ETV5: variants seen among roughly 807,000 people sequenced by gnomAD.
ETV5 encodes ETS translocation variant 5.
A neutral mutation model predicts 70.0 loss-of-function variants in ETV5; 10 were observed. The observed-to-expected ratio is 0.14, with a 90% confidence interval of 0.09 to 0.24. The LOEUF is 0.24. Among genes scored for constraint, ETV5 ranks in the 10% least tolerant of loss-of-function variants. The pLI is 1.00. For synonymous variants in ETV5, 216 were observed against 242.2 expected (o/e 0.89, Z 1.01); for missense variants, 453 against 651.2 (o/e 0.70, Z 3.31).
intron 7 of ETV5, among the ~76,000 whole-genome samples, chr3:186,071,073 T>C (rs1713620581): frequency 6.6e-6 from 1 of 152,198 alleles, no homozygotes; most frequent in African/African-American, 2.4e-5. Context: ...TATAGCGCCT[T>C]TCCTCCCACG....
At chr3:186,102,586 G>A (rs576825839) in intron 5 of ETV5, among the ~76,000 whole-genome samples, 138 of 144,010 alleles carry the variant, frequency 9.6e-4, no homozygotes, top group African/African-American at 3.5e-3. Context: ...TAAGTGGGCC[G>A]AGATTGCGCC....
At chr3:186,090,906 T>C (rs1416430335) in intron 5 of ETV5, among the ~76,000 whole-genome samples, 1 of 152,204 alleles carries the variant, frequency 6.6e-6, no homozygotes, top group Non-Finnish European at 1.5e-5. Flanking sequence ...ACCAGGCTAA[T>C]AAAAAGGAAC....
chr3:186,079,992 T>C lies in ETV5; in HGVS notation c.475A>G (p.Thr159Ala), dbSNP rs1012984931. 1.4e-6 allele frequency: 2 copies of C among 1,471,374 alleles called. No individual in the cohort carries two copies. Among genetic ancestry groups the C allele is most frequent in the Non-Finnish European group, 1.8e-6 (2 of 1,114,526 alleles). 91.1% of individuals were successfully genotyped at this position (1,471,374 alleles called of 1,614,324 possible). A position where few individuals can be genotyped will look rare whatever the true frequency, so the allele number is the denominator to read the frequency against. Residue 159 changes from threonine to alanine, a missense_variant, in exon 7 of 13, where the codon ACC becomes GCC. Thr to Ala is a moderately conservative substitution (Grantham distance 58, BLOSUM62 0). Around this residue, in one of 4 missense-constraint regions of ETV5, gnomAD observed 307 missense variants for 344.9 expected, o/e 0.89. Transcript: ENST00000306376. ...LFPPPQATLP[T>A]SGHAPAAGPV... ...CCAGCTGCAGGGGCATGCCCTGAGG[T>C]GGGCAGAGTTGCCTGAGGTGGGGGA...
intron 7 of ETV5, chr3:186,079,228 CAAAT>C: frequency 5.8e-6 from 2 of 343,616 alleles, no homozygotes; most frequent in African/African-American, 2.1e-5. Flanking sequence ...ACTTTTTTGA[CAAAT>C]GAATGACTCT....
At chr3:186,063,148 T>C (rs1713348753) in intron 9 of ETV5, among the ~76,000 whole-genome samples, 1 of 152,112 alleles carries the variant, frequency 6.6e-6, no homozygotes, top group Admixed American at 6.5e-5. Context: ...CGGGCGCCTG[T>C]AGTCCCAGCT....
chr3:186,094,462 C>G (rs1340207366), intron 5 of ETV5, among the ~76,000 whole-genome samples: 2 of 152,144 alleles, frequency 1.3e-5, no homozygotes, highest in Admixed American at 6.5e-5. Context: ...CCCAGATGAA[C>G]TAGTTTCAGA....
At chr3:186,085,361 AC>A (rs1171377335) in intron 5 of ETV5, among the ~76,000 whole-genome samples, 1 of 151,434 alleles carries the variant, frequency 6.6e-6, no homozygotes, top group African/African-American at 2.4e-5. Flanking sequence ...TTTACCCTAC[AC>A]TCCCCAGTGC....
rs1238296633 is a variant in ETV5, at chr3:186,047,785, GTTTTTGT to G, written c.*847_*853del. ...ACAGTGCACAGTTACCAAAAGGTTT[GTTTTTGT>G]TTTTTGTTTTTCGTTTTTTTGCTTT... is the stretch of plus-strand genomic sequence containing the variant. On this transcript the variant is annotated 3_prime_UTR_variant, in exon 13 of 13. Coordinates refer to ENST00000306376, the MANE Select transcript of ETV5 (RefSeq NM_004454.3). The G allele has an allele frequency of 1.8e-5, 3 of 163,418 alleles. No homozygotes were observed. The highest frequency in any genetic ancestry group is 8.8e-5 in the Admixed American group (1 of 11,374). 10.1% of individuals were successfully genotyped at this position (163,418 alleles called of 1,614,324 possible). A position where few individuals can be genotyped will look rare whatever the true frequency, so the allele number is the denominator to read the frequency against.
chr3:186,101,658 G>A (rs1219708766), intron 5 of ETV5, among the ~76,000 whole-genome samples: 2 of 152,132 alleles, frequency 1.3e-5, no homozygotes, highest in Non-Finnish European at 2.9e-5. Flanking sequence ...GAATACACTT[G>A]AATATGCCAC....
rs143948817 is a variant in ETV5, at chr3:186,061,209, A to G, written c.970+3208T>C. ...AAATGACAGAGACCAGTGGTTCTCA[A>G]CCTTGGATGCACACTGGAATCACCT... On this transcript the variant is annotated intron_variant, in intron 9 of 12. Coordinates refer to ENST00000306376, the MANE Select transcript of ETV5 (RefSeq NM_004454.3). Among the ~76,000 whole-genome samples, 375 of 152,336 alleles carry G rather than the reference A, an allele frequency of 2.5e-3. 1 individual carries two copies. Among genetic ancestry groups the G allele is most frequent in the Non-Finnish European group, 3.9e-3 (265 of 68,016 alleles).
intron 8 of ETV5, 89 bp downstream of exon 8, chr3:186,065,724 G>T: frequency 1.4e-6 from 2 of 1,455,762 alleles, no homozygotes; most frequent in Non-Finnish European, 1.9e-6. Context: ...AAAAATTCCT[G>T]TCCCCAAGGC....
At chr3:186,050,947 G>C (rs913044529) in intron 12 of ETV5, among the ~76,000 whole-genome samples, 1 of 152,168 alleles carries the variant, frequency 6.6e-6, no homozygotes, top group Non-Finnish European at 1.5e-5. Flanking sequence ...TCCATTTTAT[G>C]GTATGCTTGA....
At chr3:186,108,429 G>C in intron 1 of ETV5, 1 of 1,043,896 alleles carries the variant, frequency 9.6e-7, no homozygotes, top group Non-Finnish European at 1.3e-6. Context: ...GTTCCTGGTC[G>C]ACCCCCGCCC....
At chr3:186,074,254 T>A (rs1292031262) in intron 7 of ETV5, among the ~76,000 whole-genome samples, 3 of 152,190 alleles carry the variant, frequency 2.0e-5, no homozygotes, top group South Asian at 2.1e-4. Flanking sequence ...CTTAGAAAAA[T>A]TTATTTATTA....
chr3:186,108,034 C>A (rs951163462), intron 1 of ETV5, among the ~76,000 whole-genome samples: 5 of 151,420 alleles, frequency 3.3e-5, no homozygotes, highest in African/African-American at 1.2e-4. Context: ...GAGCAGCGAG[C>A]CAACGAAAGA....
chr3:186,080,136 G>A, intron 6 of ETV5, 32 bp from the exon 7 acceptor site: 1 of 1,451,354 alleles, frequency 6.9e-7, no homozygotes, highest in Non-Finnish European at 9.0e-7. Context: ...GAACCATTAA[G>A]CTGAAATGAA....
chr3:186,085,295 C>T (rs74912304), intron 5 of ETV5, among the ~76,000 whole-genome samples: 2,415 of 152,030 alleles, frequency 0.016, 25 homozygotes, highest in Non-Finnish European at 0.026. Flanking sequence ...GAAGACAATA[C>T]GGGAGAAGAC....
intron 7 of ETV5, among the ~76,000 whole-genome samples, chr3:186,075,371 CCT>C (rs773257253): frequency 6.6e-6 from 1 of 152,148 alleles, no homozygotes; most frequent in Non-Finnish European, 1.5e-5. Context: ...CAAGTTCATT[CCT>C]CTCTAAAAAT....
At chr3:186,094,844 C>A (rs138835266) in intron 5 of ETV5, among the ~76,000 whole-genome samples, 2 of 152,088 alleles carry the variant, frequency 1.3e-5, no homozygotes, top group African/African-American at 4.8e-5. Context: ...CTTGTGAGTA[C>A]GGAACTGACT....
Sources: allele counts gnomAD v4.1 joint callset (sites outside exome capture counted in the v4.1 genomes callset), GRCh38; gene constraint gnomAD v4.1.1; regional missense constraint gnomAD v4.1.1; transcripts MANE v1.5; gene names NCBI Gene and HGNC (gene_info 2026-07-23, HGNC 2026-07-21).